The following STAT1 variants were observed in gnomAD, a reference collection of about 807,000 sequenced individuals.
The protein encoded by STAT1 is signal transducer and activator of transcription 1-alpha/beta.
STAT1 carries 24 observed loss-of-function variants against 111.7 expected under a neutral mutation model. The observed-to-expected ratio is 0.21, with a 90% CI of 0.16 to 0.30. STAT1 has a LOEUF of 0.30. STAT1 is among the 10% of genes least tolerant of loss of function. The pLI is 1.00. For synonymous variants in STAT1, 332 were observed against 326.5 expected (o/e 1.02, Z -0.18); for missense variants, 351 against 911.9 (o/e 0.38, Z 7.92).
chr2:191,005,763 T>C (rs1481217062), intron 5 of STAT1, among the ~76,000 whole-genome samples: 1 of 152,236 alleles, frequency 6.6e-6, no homozygotes, highest in East Asian at 1.9e-4. Flanking sequence ...AAGAAATGTT[T>C]CTGACCTACC....
Position 190,976,806 on chromosome 2 carries a change from T to C in STAT1, c.2059+34A>G, listed in dbSNP as rs375805699. The C allele has an allele frequency of 1.1e-4, 180 of 1,580,082 alleles. 1 individual carries two copies. The African/African-American group carries it at 2.3e-3, about 20-fold the overall frequency. ...ATCACCCCCTCATCAGGAAAGACTG[T>C]GCCACGCTGTTACCACCTGCTTGCC... On this transcript the variant is annotated intron_variant, in intron 22 of 24. Transcript: ENST00000361099. This position sits in a 1 kb window ranked among gnomAD's most constrained non-coding sequence, Gnocchi z 6.0.
rs953910466 is a variant in STAT1 at position 191,012,257 on chromosome 2, CA to C, written c.-2+1267del. Among the ~76,000 whole-genome samples the C allele has an allele frequency of 1.3e-5, 2 of 150,236 alleles. No individual in the cohort carries two copies. The highest frequency in any genetic ancestry group is 4.9e-5 in the African/African-American group (2 of 40,950). On this transcript the variant is annotated intron_variant, in intron 2 of 24. Coordinates refer to ENST00000361099, the MANE Select transcript of STAT1 (RefSeq NM_007315.4). The surrounding 1 kb of genome is among the most constrained non-coding windows in gnomAD (Gnocchi z 4.0). ...GTGAAACCTTGTCTCTACTAAAATACAAAAAAAAATTAGCAGGGCATGGTGG... is the reference window on the plus strand; with the variant it reads ...GTGAAACCTTGTCTCTACTAAAATACAAAAAAAATTAGCAGGGCATGGTGG...
chr2:190,975,186 G>A lies in STAT1; in HGVS notation c.2136-254C>T, dbSNP rs564494760. ...CAATAGCCAGACTGGAATCTGTGCC[G>A]CTTCTGCCTGGGTAAGCCTAGGTGT... On this transcript the variant is annotated intron_variant, in intron 23 of 24. Coordinates refer to ENST00000361099, the MANE Select transcript of STAT1 (RefSeq NM_007315.4). This position sits in a 1 kb window ranked among gnomAD's most constrained non-coding sequence, Gnocchi z 5.9. 5 of 497,010 alleles carry A rather than the reference G, an allele frequency of 1.0e-5. No individual in the cohort carries two copies. Among genetic ancestry groups the A allele is most frequent in the East Asian group, 4.6e-5 (1 of 21,806 alleles). The allele number at this position is 497,010 out of a possible 1,614,324, so 30.8% of individuals were successfully genotyped here.
chr2:191,011,773 G>C (rs45542033), intron 2 of STAT1, among the ~76,000 whole-genome samples: 1,657 of 152,140 alleles, frequency 0.011, 66 homozygotes, highest in East Asian at 0.092. Context: ...CTCTCCTGCT[G>C]CCCCGTGAAG....
In STAT1 at chr2:190,999,569, T is replaced by C; in HGVS notation, c.541+57A>G. The C allele has an allele frequency of 1.7e-6, 2 of 1,153,466 alleles. No individual in the cohort carries two copies. Among genetic ancestry groups the C allele is most frequent in the Non-Finnish European group, 2.6e-6 (2 of 760,060 alleles). The allele number at this position is 1,153,466 out of a possible 1,614,324, so 71.5% of individuals were successfully genotyped here. On this transcript the variant is annotated intron_variant, in intron 7 of 24. Transcript: ENST00000361099. This position sits in a 1 kb window ranked among gnomAD's most constrained non-coding sequence, Gnocchi z 4.1. ...GAAAGGAGTAATCATCTTCGTTATC[T>C]AGTGTGAACAGAAAAAATTGCAGCC...
chr2:190,998,069 AT>A lies in STAT1; in HGVS notation c.634-63del. 1.3e-6 allele frequency: 2 copies of A among 1,589,902 alleles called. No individual in the cohort carries two copies. Among genetic ancestry groups the A allele is most frequent in the Non-Finnish European group, 1.7e-6 (2 of 1,165,018 alleles). ...ATTTTTAATCACTGAATTTTAAAAT[AT>A]TTTTTAAAAGAAAAGCAAATATCAT... On this transcript the variant is annotated intron_variant, in intron 8 of 24. Coordinates refer to ENST00000361099, the MANE Select transcript of STAT1 (RefSeq NM_007315.4). This position sits in a 1 kb window ranked among gnomAD's most constrained non-coding sequence, Gnocchi z 4.1.
rs45438101 is a variant in STAT1 at position 190,980,955 on chromosome 2, G to A, written c.1583-286C>T. Among the ~76,000 whole-genome samples, 1,123 of 152,290 alleles carry A rather than the reference G, an allele frequency of 7.4e-3. 9 individuals are homozygous for A. Among genetic ancestry groups the A allele is most frequent in the Non-Finnish European group, 0.011 (773 of 68,024 alleles). On this transcript the variant is annotated intron_variant, in intron 18 of 24. Transcript: ENST00000361099. The surrounding 1 kb of genome is among the most constrained non-coding windows in gnomAD (Gnocchi z 6.1). ...GATTCCTGGGCACCACGATATGAGA[G>A]TTTTTAGGGAAAGCGGAAACATCAC... is the stretch of plus-strand genomic sequence containing the variant.
At chr2:190,994,789 G>A (rs1394409447) in intron 10 of STAT1, among the ~76,000 whole-genome samples, 11 of 151,558 alleles carry the variant, frequency 7.3e-5, no homozygotes, top group Admixed American at 6.6e-5. Context: ...GGTGGCATGC[G>A]CCTGTAGTCC....
chr2:190,987,196 G>T lies in STAT1; in HGVS notation c.1098-128C>A. 1.3e-6 allele frequency: 1 copy of T among 756,504 alleles called. No homozygotes were observed. Among genetic ancestry groups the T allele is most frequent in the Non-Finnish European group, 2.2e-6 (1 of 447,782 alleles). The allele number at this position is 756,504 out of a possible 1,614,324, so 46.9% of individuals were successfully genotyped here. A position where few individuals can be genotyped will look rare whatever the true frequency, so the allele number is the denominator to read the frequency against. The stretch of plus-strand genomic sequence containing the variant: ...GAATAAAAAATAAATCTACACCTAT[G>T]GATTTGCAGCCTTTCATTCACTCCC... On this transcript the variant is annotated intron_variant, in intron 12 of 24. Transcript: ENST00000361099. This position sits in a 1 kb window ranked among gnomAD's most constrained non-coding sequence, Gnocchi z 4.0.
Position 191,007,770 on chromosome 2 carries a change from C to G in STAT1, c.274-109G>C. The G allele has an allele frequency of 1.3e-6, 1 of 797,810 alleles. No individual in the cohort carries two copies. Among genetic ancestry groups the G allele is most frequent in the Non-Finnish European group, 2.1e-6 (1 of 469,342 alleles). 49.4% of individuals were successfully genotyped at this position (797,810 alleles called of 1,614,324 possible). ...TTATATTCTCCGGGAAACCTCATCT[C>G]TCATCTATTAAATTCTATATAAGCT... On this transcript the variant is annotated intron_variant, in intron 4 of 24. Coordinates refer to ENST00000361099, the MANE Select transcript of STAT1 (RefSeq NM_007315.4). The surrounding 1 kb of genome is among the most constrained non-coding windows in gnomAD (Gnocchi z 4.2).
chr2:191,009,784 T>G, intron 3 of STAT1, 92 bp downstream of exon 3: 1 of 1,512,506 alleles, frequency 6.6e-7, no homozygotes, highest in Non-Finnish European at 9.2e-7. Flanking sequence ...ATTGATGGAA[T>G]TCATCTTCCA....
At position 190,983,738 on chromosome 2, in the gene STAT1, C is replaced by T. The variant is rs200858832; in HGVS notation, c.1350G>A (p.Thr450=). 5.6e-6 allele frequency: 9 copies of T among 1,613,906 alleles called. No individual in the cohort carries two copies. Among genetic ancestry groups the T allele is most frequent in the East Asian group, 2.2e-5 (1 of 44,880 alleles). The part of the protein sequence containing the change: ...CQPGLVIDLE[T]TSLPVVVISN... ...AGATCACCACAACGGGCAGAGAGGT[C>T]GTCTAAAGGATGACAAAGACCTTGA... Residue 450 remains threonine, a splice_region_variant and synonymous_variant, in exon 17 of 25, where the codon ACG becomes ACA. Transcript: ENST00000361099. This position sits in a 1 kb window ranked among gnomAD's most constrained non-coding sequence, Gnocchi z 5.7.
rs1308268699 is a variant in STAT1, at chr2:190,971,716, T to C, written c.2239-999A>G. Reference sequence around the variant, plus strand: ...GTTTCTCTTTTCTTTTTCTTTCTTTTTTTTTTTCAAATTGGAGACGGAGTC... The same window carrying C: ...GTTTCTCTTTTCTTTTTCTTTCTTTCTTTTTTTCAAATTGGAGACGGAGTC... On this transcript the variant is annotated intron_variant, in intron 24 of 24. Coordinates refer to ENST00000361099, the MANE Select transcript of STAT1 (RefSeq NM_007315.4). The surrounding 1 kb of genome is among the most constrained non-coding windows in gnomAD (Gnocchi z 4.1). Among the ~76,000 whole-genome samples the C allele has an allele frequency of 4.6e-5, 7 of 152,126 alleles. No homozygotes were observed. The South Asian group carries it at 8.3e-4, about 18-fold the overall frequency.
rs774654212 is a variant in STAT1 at position 190,970,674 on chromosome 2, C to T, written c.*29G>A. On this transcript the variant is annotated 3_prime_UTR_variant, in exon 25 of 25. Transcript: ENST00000361099. This position sits in a 1 kb window ranked among gnomAD's most constrained non-coding sequence, Gnocchi z 5.4. ...AATCACAGATGAGAAGGAAAACTGTCGCCAGAGAAGATGAAAAAAATTCAT... is the reference window on the plus strand; with the variant it reads ...AATCACAGATGAGAAGGAAAACTGTTGCCAGAGAAGATGAAAAAAATTCAT... 1.6e-5 allele frequency: 26 copies of T among 1,611,096 alleles called. No homozygotes were observed. The highest frequency in any genetic ancestry group is 4.4e-5 in the South Asian group (4 of 91,022).
Position 190,976,496 on chromosome 2 carries a change from C to T in STAT1, c.2059+344G>A, listed in dbSNP as rs1335833462. 6.6e-6 allele frequency among the ~76,000 whole-genome samples: 1 copy of T among 152,194 alleles called. No homozygotes were observed. The highest frequency in any genetic ancestry group is 1.9e-4 in the East Asian group (1 of 5,198). On this transcript the variant is annotated intron_variant, in intron 22 of 24. Transcript: ENST00000361099. The surrounding 1 kb of genome is among the most constrained non-coding windows in gnomAD (Gnocchi z 6.0). Reference sequence around the variant, plus strand: ...ATGAACCACTTCACTTCTCCCAGGCCTCAGTTTCCTCAACTTTAACGTGAG... The same window carrying T: ...ATGAACCACTTCACTTCTCCCAGGCTTCAGTTTCCTCAACTTTAACGTGAG...
chr2:191,008,101 C>T (rs1361863618), intron 4 of STAT1: 6 of 428,672 alleles, frequency 1.4e-5, no homozygotes, highest in Non-Finnish European at 4.7e-6. Context: ...ATTGTCAAAG[C>T]TAGTTTGCAA....
At chr2:191,002,672 C>T (rs561907243) in intron 5 of STAT1, among the ~76,000 whole-genome samples, 43 of 152,066 alleles carry the variant, frequency 2.8e-4, no homozygotes, top group Non-Finnish European at 4.7e-4. Flanking sequence ...TTGCATTGGC[C>T]AATACCACCA....
chr2:190,979,928 C>T lies in STAT1; in HGVS notation c.1633-62G>A, dbSNP rs565902594. On this transcript the variant is annotated intron_variant, in intron 19 of 24. Coordinates refer to ENST00000361099, the MANE Select transcript of STAT1 (RefSeq NM_007315.4). The surrounding 1 kb of genome is among the most constrained non-coding windows in gnomAD (Gnocchi z 5.8). ...TCTAAAACAATGACTTACCATGGCCCCTCCCACCATCATTTGCAAAGACTC... is the reference window on the plus strand; with the variant it reads ...TCTAAAACAATGACTTACCATGGCCTCTCCCACCATCATTTGCAAAGACTC... The T allele has an allele frequency of 1.1e-5, 12 of 1,139,674 alleles. 1 individual carries two copies. Among genetic ancestry groups the T allele is most frequent in the South Asian group, 5.0e-5 (4 of 79,598 alleles). 70.6% of individuals were successfully genotyped at this position (1,139,674 alleles called of 1,614,324 possible).
In STAT1 at chr2:191,007,860, T is replaced by C. The variant is rs41523450; in HGVS notation, c.274-199A>G. The C allele has an allele frequency of 9.5e-3, 5,730 of 605,390 alleles. 226 individuals carry two copies. Among genetic ancestry groups the C allele is most frequent in the African/African-American group, 0.092 (4,984 of 53,946 alleles). The allele number at this position is 605,390 out of a possible 1,614,324, so 37.5% of individuals were successfully genotyped here. ...ACAAAAATTGCTTTAACTTTCTAAG[T>C]GCAGGTACCTAACGTACTTTTTGAT... On this transcript the variant is annotated intron_variant, in intron 4 of 24. Coordinates refer to ENST00000361099, the MANE Select transcript of STAT1 (RefSeq NM_007315.4). This position sits in a 1 kb window ranked among gnomAD's most constrained non-coding sequence, Gnocchi z 4.2.
Sources: gnomAD v4.1 joint callset for allele counts (sites outside exome capture counted in the v4.1 genomes callset) on GRCh38, gnomAD v4.1.1 for gene constraint, Gnocchi (gnomAD v3.1) non-coding constraint, MANE v1.5 for transcripts, NCBI Gene and HGNC (gene_info 2026-07-23, HGNC 2026-07-21) for gene names.